Variants in MICAL3 observed in about 807,000 individuals in gnomAD.
MICAL3 encodes [F-actin]-monooxygenase MICAL3.
In MICAL3, 62 loss-of-function variants were observed where a neutral mutation model predicts 207.4. The observed-to-expected ratio is 0.30, with a 90% confidence interval of 0.24 to 0.37. The LOEUF (loss-of-function observed/expected upper bound fraction) is 0.37. MICAL3 is among the 10% of genes least tolerant of loss of function. The probability of loss-of-function intolerance (pLI) is 1.00; values close to 1 mark genes in which losing one functional copy is unlikely to be tolerated. For synonymous variants in MICAL3, 1,077 were observed against 1,069.3 expected (o/e 1.01, Z -0.14); for missense variants, 2,368 against 2,635.6 (o/e 0.90, Z 2.22).
At chr22:17,924,826 G>A (rs1260455510) in intron 1 of MICAL3, among the ~76,000 whole-genome samples, 3 of 152,208 alleles carry the variant, frequency 2.0e-5, no homozygotes, top group African/African-American at 7.2e-5. Flanking sequence ...GCTGCAGGAT[G>A]ACATAGTAAC....
intron 19 of MICAL3, among the ~76,000 whole-genome samples, chr22:17,858,788 G>A (rs1926202275): frequency 6.6e-6 from 1 of 152,216 alleles, no homozygotes; most frequent in Non-Finnish European, 1.5e-5. Flanking sequence ...AATCACGTTG[G>A]GTGTCCCCAC....
chr22:17,899,233 T>C (rs1931121508), intron 7 of MICAL3: 1 of 631,054 alleles, frequency 1.6e-6, no homozygotes, highest in African/African-American at 1.8e-5. Context: ...ACGTGAGGGT[T>C]CATTACACTA....
chr22:17,798,697 A>T (rs1209403622), intron 29 of MICAL3, among the ~76,000 whole-genome samples: 3 of 137,316 alleles, frequency 2.2e-5, no homozygotes, highest in Non-Finnish European at 4.6e-5. Context: ...TTTTTGAGAC[A>T]GAGTCTCCCT....
rs757505641 is a variant in MICAL3, at chr22:17,818,481, GCTTTGGCAGGC to G, written c.4169_4179del (p.Gly1390AlafsTer131). On this transcript the variant is annotated frameshift_variant, in exon 26 of 32. Coordinates refer to ENST00000441493, the MANE Select transcript of MICAL3 (RefSeq NM_015241.3). LOFTEE classifies it high-confidence loss of function. ...GGCAGGGACAACGGCTCGCCTTCCG[GCTTTGGCAGGC>G]CCAGCCTTTTGGGGATGGACAGAGG... 6.2e-7 allele frequency: 1 copy of G among 1,612,774 alleles called. No homozygotes were observed. The highest frequency in any genetic ancestry group is 1.3e-5 in the African/African-American group (1 of 74,944).
chr22:17,832,030 C>G lies in MICAL3; in HGVS notation c.2879G>C (p.Gly960Ala). Reference sequence around the variant, plus strand: ...CCGCACGGCCTCCTTCCACGGAACACCACCCAGGTCAGATGGGGGCAGGCG... The same window carrying G: ...CCGCACGGCCTCCTTCCACGGAACAGCACCCAGGTCAGATGGGGGCAGGCG... ...EPRLPPSDLGGVPWKEAVRIH... is the reference protein window; with the variant it reads ...EPRLPPSDLGAVPWKEAVRIH... Residue 960 changes from glycine (G) to alanine (A), a missense_variant, in exon 21 of 32, where the codon GGT becomes GCT. By Grantham distance (60) the Gly-to-Ala change is moderately conservative. This residue lies in a region of MICAL3 where 1,770 missense variants were observed against 1,863.2 expected (regional missense o/e 0.95). Coordinates refer to ENST00000441493, the MANE Select transcript of MICAL3 (RefSeq NM_015241.3). The G allele has an allele frequency of 6.2e-7, 1 of 1,606,358 alleles. No individual in the cohort carries two copies. Among genetic ancestry groups the G allele is most frequent in the Non-Finnish European group, 8.5e-7 (1 of 1,176,662 alleles).
chr22:17,981,661 C>A (rs1935913925), intron 1 of MICAL3, among the ~76,000 whole-genome samples: 1 of 152,190 alleles, frequency 6.6e-6, no homozygotes, highest in Non-Finnish European at 1.5e-5. Context: ...CAGTTGGGAA[C>A]AGATGCGCAT....
intron 29 of MICAL3, among the ~76,000 whole-genome samples, chr22:17,806,142 CTGTG>C (rs1329327799): frequency 6.6e-6 from 1 of 152,200 alleles, no homozygotes; most frequent in African/African-American, 2.4e-5. Context: ...CCGCCTCTCT[CTGTG>C]TGTAAGTGGC....
Position 17,904,771 on chromosome 22 carries a change from C to T in MICAL3, c.333G>A (p.Lys111=), listed in dbSNP as rs1035157557. The T allele has an allele frequency of 6.2e-7, 1 of 1,613,990 alleles. No homozygotes were observed. The highest frequency in any genetic ancestry group is 8.5e-7 in the Non-Finnish European group (1 of 1,179,868). The change falls in exon 3 of 32, where the codon AAG becomes AAA. Residue 111 remains lysine, a synonymous_variant. Coordinates refer to ENST00000441493, the MANE Select transcript of MICAL3 (RefSeq NM_015241.3). The part of the protein sequence containing the change: ...TAIDLSLLGA[K]VVVIEKRDAF... Reference sequence around the variant, plus strand: ...CATCTCGTTTCTCAATAACAACCACCTTGGCCCCCAGTAAGGATAAGTCGA... The same window carrying T: ...CATCTCGTTTCTCAATAACAACCACTTTGGCCCCCAGTAAGGATAAGTCGA...
intron 1 of MICAL3, among the ~76,000 whole-genome samples, chr22:17,962,672 T>C (rs148898755): frequency 0.019 from 2,323 of 119,544 alleles, 22 homozygotes; most frequent in Middle Eastern, 0.05. Flanking sequence ...ATGGCAGGTG[T>C]AGTTTTAGGT....
At chr22:17,971,697 C>T (rs1214592950) in intron 1 of MICAL3, among the ~76,000 whole-genome samples, 1 of 152,174 alleles carries the variant, frequency 6.6e-6, no homozygotes, top group Non-Finnish European at 1.5e-5. Flanking sequence ...GGTGTAAAAA[C>T]GTCAATATAT....
intron 16 of MICAL3, among the ~76,000 whole-genome samples, chr22:17,879,830 G>C (rs1174132246): frequency 6.6e-6 from 1 of 152,204 alleles, no homozygotes; most frequent in Non-Finnish European, 1.5e-5. Context: ...GACTAAGACA[G>C]CAGTCCAGAG....
chr22:17,866,278 A>T (rs372816229), intron 17 of MICAL3, among the ~76,000 whole-genome samples: 1 of 152,254 alleles, frequency 6.6e-6, no homozygotes, highest in African/African-American at 2.4e-5. Context: ...ATCAGTGCCC[A>T]GAGCAAAGAT....
intron 17 of MICAL3, among the ~76,000 whole-genome samples, chr22:17,869,472 G>A (rs1437686745): frequency 1.3e-5 from 2 of 152,152 alleles, no homozygotes; most frequent in African/African-American, 2.4e-5. Context: ...CAAGATGACA[G>A]GGAAGGGCCT....
intron 1 of MICAL3, among the ~76,000 whole-genome samples, chr22:17,950,337 G>GTT (rs764642603): frequency 0.02 from 1,815 of 89,066 alleles, 38 homozygotes; most frequent in African/African-American, 0.03. Context: ...TTTTGTTTTT[G>GTT]TTTTTTTTTT....
intron 16 of MICAL3, chr22:17,879,373 A>G (rs1238837823): frequency 6.2e-7 from 1 of 1,612,262 alleles, no homozygotes; most frequent in Non-Finnish European, 8.5e-7. Flanking sequence ...TCTGCTTGCC[A>G]CGGTTGTCAG....
chr22:17,803,916 C>T (rs1327410891), intron 29 of MICAL3: 6 of 797,046 alleles, frequency 7.5e-6, no homozygotes, highest in Non-Finnish European at 7.6e-6. Flanking sequence ...TCCTCCTGTC[C>T]CCCCATACCC....
chr22:17,952,365 A>C (rs766542861), intron 1 of MICAL3, among the ~76,000 whole-genome samples: 2 of 152,152 alleles, frequency 1.3e-5, no homozygotes, highest in Non-Finnish European at 2.9e-5. Flanking sequence ...AATCCGCAGC[A>C]TCCAGCCCAC....
At chr22:17,992,140 C>G (rs1049394542) in intron 1 of MICAL3, among the ~76,000 whole-genome samples, 1 of 152,178 alleles carries the variant, frequency 6.6e-6, no homozygotes, top group African/African-American at 2.4e-5. Flanking sequence ...AGTAGCTGGG[C>G]AAGGACAAGC....
At chr22:17,809,249 C>T (rs1482289618) in intron 28 of MICAL3, among the ~76,000 whole-genome samples, 2 of 152,190 alleles carry the variant, frequency 1.3e-5, no homozygotes, top group African/African-American at 4.8e-5. Flanking sequence ...GGCCTGAGTA[C>T]CAGAACCTCA....
Sources: allele counts gnomAD v4.1 joint callset (sites outside exome capture counted in the v4.1 genomes callset), GRCh38; gene constraint gnomAD v4.1.1; regional missense constraint gnomAD v4.1.1; transcripts MANE v1.5; gene names NCBI Gene and HGNC (gene_info 2026-07-23, HGNC 2026-07-21).